MAP2K1: variants seen among roughly 807,000 people sequenced by gnomAD.
MAP2K1 encodes dual specificity mitogen-activated protein kinase kinase 1.
A neutral mutation model predicts 46.3 loss-of-function variants in MAP2K1; 16 were observed. The observed-to-expected ratio is 0.35, with a 90% CI of 0.23 to 0.52. The LOEUF (loss-of-function observed/expected upper bound fraction) is 0.52. Among genes scored for constraint, MAP2K1 ranks in the 20% least tolerant of loss-of-function variants. The pLI, the probability that MAP2K1 is intolerant of heterozygous loss-of-function variation, is 0.94. For synonymous variants in MAP2K1, 183 were observed against 185.6 expected (o/e 0.99, Z 0.11); for missense variants, 263 against 497.1 (o/e 0.53, Z 4.48).
chr15:66,395,457 C>A (rs1026038764), intron 1 of MAP2K1, among the ~76,000 whole-genome samples: 3 of 151,482 alleles, frequency 2.0e-5, no homozygotes, highest in African/African-American at 7.3e-5. Context: ...TTACCACTTT[C>A]TTTACTCTCC....
chr15:66,443,426 C>T lies in MAP2K1; in HGVS notation c.516+69C>T. 17 of 978,554 alleles carry T rather than the reference C, an allele frequency of 1.7e-5. No homozygotes were observed. In the South Asian group the frequency reaches 2.2e-4, roughly 13 times the overall value. 60.6% of individuals were successfully genotyped at this position (978,554 alleles called of 1,614,324 possible). A position where few individuals can be genotyped will look rare whatever the true frequency, so the allele number is the denominator to read the frequency against. On this transcript the variant is annotated intron_variant, in intron 4 of 10. Transcript: ENST00000307102. ...AGTTAATGAGTCGGTAAGAAATGGA[C>T]AAGAGAGGAAGATGGGAAGTCAATG... is the stretch of plus-strand genomic sequence containing the variant.
At chr15:66,446,076 T>C (rs1320976808) in intron 5 of MAP2K1, among the ~76,000 whole-genome samples, 1 of 151,832 alleles carries the variant, frequency 6.6e-6, no homozygotes, top group African/African-American at 2.4e-5. Flanking sequence ...GTACCGAAAA[T>C]TAGCCGGGCG....
chr15:66,461,152 C>T (rs544363736), intron 5 of MAP2K1, among the ~76,000 whole-genome samples: 1 of 152,160 alleles, frequency 6.6e-6, no homozygotes, highest in South Asian at 2.1e-4. Flanking sequence ...TAACCACTAC[C>T]CAAAGCAAGA....
Position 66,491,001 on chromosome 15 carries a change from A to T in MAP2K1, c.*386A>T. 2.4e-6 allele frequency: 1 copy of T among 424,942 alleles called. No individual in the cohort carries two copies. 26.3% of individuals were successfully genotyped at this position (424,942 alleles called of 1,614,324 possible). ...ATTCTTTGACATTTGGTGGTACTTT[A>T]TTCTTGCTGGGCATACTTTCTCTCT... On this transcript the variant is annotated 3_prime_UTR_variant, in exon 11 of 11. Coordinates refer to ENST00000307102, the MANE Select transcript of MAP2K1 (RefSeq NM_002755.4).
chr15:66,469,306 C>T (rs996152820), intron 5 of MAP2K1, among the ~76,000 whole-genome samples: 4 of 152,142 alleles, frequency 2.6e-5, no homozygotes, highest in Non-Finnish European at 4.4e-5. Flanking sequence ...AAACTACACT[C>T]TTCATTAAAA....
chr15:66,436,143 T>C (rs2093487482), intron 2 of MAP2K1, among the ~76,000 whole-genome samples: 1 of 152,226 alleles, frequency 6.6e-6, no homozygotes, highest in Admixed American at 6.5e-5. Context: ...GTCTAGCTTT[T>C]ACCAGGTGCC....
At chr15:66,463,212 A>G (rs1401387514) in intron 5 of MAP2K1, among the ~76,000 whole-genome samples, 1 of 152,182 alleles carries the variant, frequency 6.6e-6, no homozygotes, top group Non-Finnish European at 1.5e-5. Context: ...TCCCTTCTTC[A>G]TTTGTCTGAA....
intron 5 of MAP2K1, among the ~76,000 whole-genome samples, chr15:66,454,743 C>T (rs1201575751): frequency 1.3e-5 from 2 of 151,908 alleles, no homozygotes; most frequent in East Asian, 1.9e-4. Flanking sequence ...ATTAGCTCGG[C>T]GTGGTGCCGT....
At chr15:66,473,562 C>T (rs1171900359) in intron 5 of MAP2K1, among the ~76,000 whole-genome samples, 1 of 152,218 alleles carries the variant, frequency 6.6e-6, no homozygotes, top group Non-Finnish European at 1.5e-5. Flanking sequence ...GATTCATAAG[C>T]ATTTCCCTTG....
intron 6 of MAP2K1, 88 bp from the exon 7 acceptor site, chr15:66,484,902 A>G: frequency 3.6e-6 from 4 of 1,100,356 alleles, no homozygotes; most frequent in Non-Finnish European, 4.2e-6. Context: ...GATATGAACT[A>G]TTGAGAAGGG....
At chr15:66,445,865 T>TA (rs1290349307) in intron 5 of MAP2K1, among the ~76,000 whole-genome samples, 2 of 152,042 alleles carry the variant, frequency 1.3e-5, no homozygotes, top group African/African-American at 2.4e-5. Flanking sequence ...ACACAAATGT[T>TA]ACATCTTTTT....
At position 66,387,093 on chromosome 15, in the gene MAP2K1, G is replaced by A. The variant is rs1288421807; in HGVS notation, c.-255G>A. On this transcript the variant is annotated 5_prime_UTR_variant, in exon 1 of 11. Coordinates refer to ENST00000307102, the MANE Select transcript of MAP2K1 (RefSeq NM_002755.4). ...GGCTGCCGAACCGCACGTTCAGCCC[G>A]CTCCGCTCCTGCAGGGCAGCCTTTC... The A allele has an allele frequency of 1.5e-5, 6 of 413,408 alleles. 1 individual carries two copies. In the Admixed American group the frequency reaches 1.8e-4, roughly 13 times the overall value. The allele number at this position is 413,408 out of a possible 1,614,324, so 25.6% of individuals were successfully genotyped here. A position where few individuals can be genotyped will look rare whatever the true frequency, so the allele number is the denominator to read the frequency against.
At chr15:66,484,511 G>A (rs1892991212) in intron 6 of MAP2K1, among the ~76,000 whole-genome samples, 1 of 152,152 alleles carries the variant, frequency 6.6e-6, no homozygotes, top group Non-Finnish European at 1.5e-5. Flanking sequence ...GTAAGTCCCG[G>A]AATTGGGATT....
intron 1 of MAP2K1, among the ~76,000 whole-genome samples, chr15:66,421,830 C>G (rs1490088217): frequency 2.0e-5 from 3 of 149,816 alleles, no homozygotes; most frequent in African/African-American, 7.3e-5. Flanking sequence ...CAGCAACAAA[C>G]CAATTCTATA....
chr15:66,476,137 T>C (rs544275720), intron 5 of MAP2K1, among the ~76,000 whole-genome samples: 2 of 152,282 alleles, frequency 1.3e-5, no homozygotes, highest in South Asian at 2.1e-4. Flanking sequence ...CTGAGCAGAA[T>C]TGGGGTTATT....
At chr15:66,466,386 T>C (rs1892466561) in intron 5 of MAP2K1, among the ~76,000 whole-genome samples, 1 of 152,230 alleles carries the variant, frequency 6.6e-6, no homozygotes, top group Non-Finnish European at 1.5e-5. Context: ...TATACTTTAT[T>C]GTTAAAACCT....
At chr15:66,396,100 G>A (rs1332119304) in intron 1 of MAP2K1, among the ~76,000 whole-genome samples, 1 of 150,950 alleles carries the variant, frequency 6.6e-6, no homozygotes, top group African/African-American at 2.4e-5. Flanking sequence ...TATGCCTCCC[G>A]GGTTCAAGCG....
chr15:66,404,940 A>G (rs544583968), intron 1 of MAP2K1, among the ~76,000 whole-genome samples: 66 of 152,314 alleles, frequency 4.3e-4, no homozygotes, highest in Middle Eastern at 3.4e-3. Context: ...TCTGTGGGGC[A>G]ATAAGAATTG....
intron 3 of MAP2K1, among the ~76,000 whole-genome samples, chr15:66,442,033 C>A (rs1293214515): frequency 6.6e-6 from 1 of 152,188 alleles, no homozygotes; most frequent in African/African-American, 2.4e-5. Context: ...TTAACGGGAG[C>A]CCCTGGTATG....
Sources: allele counts gnomAD v4.1 joint callset (sites outside exome capture counted in the v4.1 genomes callset), GRCh38; gene constraint gnomAD v4.1.1; transcripts MANE v1.5; gene names NCBI Gene and HGNC (gene_info 2026-07-23, HGNC 2026-07-21).